Variants in NDUFB9 observed in about 807,000 individuals in gnomAD.
NDUFB9 encodes NADH dehydrogenase [ubiquinone] 1 beta subcomplex subunit 9.
NDUFB9 carries 24 observed loss-of-function variants against 30.2 expected under a neutral mutation model. That is an observed-to-expected ratio of 0.80 (90% CI 0.58 to 1.12). The LOEUF is 1.12. Among genes scored for constraint, NDUFB9 ranks in the 50% most tolerant of loss-of-function variants. NDUFB9 has a pLI of 0.00. For missense variants in NDUFB9, 204 were observed against 226.0 expected (o/e 0.90, Z 0.62); for synonymous variants, 80 against 84.0 (o/e 0.95, Z 0.26).
intron 3 of NDUFB9, among the ~76,000 whole-genome samples, chr8:124,547,905 A>T (rs796145913): frequency 6.6e-6 from 1 of 152,164 alleles, no homozygotes; most frequent in African/African-American, 2.4e-5. Context: ...AATTGCTTGA[A>T]TCCCAGGAGG....
chr8:124,548,198 C>T (rs558053320), intron 3 of NDUFB9, among the ~76,000 whole-genome samples: 54 of 152,132 alleles, frequency 3.5e-4, no homozygotes, highest in Non-Finnish European at 6.8e-4. Context: ...ATCTGGAACT[C>T]CCAGGAGAGA....
chr8:124,547,787 G>C (rs1822199155), intron 3 of NDUFB9, among the ~76,000 whole-genome samples: 1 of 152,104 alleles, frequency 6.6e-6, no homozygotes, highest in African/African-American at 2.4e-5. Flanking sequence ...ATGACGACCA[G>C]CCTGACTAAC....
At chr8:124,539,872 C>CT (rs1167002655) in intron 1 of NDUFB9, among the ~76,000 whole-genome samples, 1 of 152,166 alleles carries the variant, frequency 6.6e-6, no homozygotes, top group African/African-American at 2.4e-5. Context: ...TTAGCTTCAT[C>CT]TAGTCCTTTT....
At chr8:124,540,263 T>G (rs1055735593) in intron 1 of NDUFB9, among the ~76,000 whole-genome samples, 8 of 151,558 alleles carry the variant, frequency 5.3e-5, no homozygotes, top group East Asian at 2.0e-4. Flanking sequence ...TCCTTGAGTT[T>G]TCCTTATTTA....
At chr8:124,541,664 CGCGAT>C (rs1821995130) in intron 1 of NDUFB9, among the ~76,000 whole-genome samples, 2 of 151,468 alleles carry the variant, frequency 1.3e-5, no homozygotes, top group African/African-American at 4.9e-5. Flanking sequence ...AGTGCAGTGG[CGCGAT>C]CTTGGCTCAC....
At chr8:124,548,299 G>T (rs747100257) in intron 3 of NDUFB9, among the ~76,000 whole-genome samples, 67 of 152,120 alleles carry the variant, frequency 4.4e-4, no homozygotes, top group Non-Finnish European at 1.3e-4. Context: ...AGAGAAAAAA[G>T]AAAAGGAAAA....
intron 2 of NDUFB9, 104 bp downstream of exon 2, chr8:124,543,383 G>A (rs954987799): frequency 3.3e-6 from 4 of 1,205,544 alleles, no homozygotes; most frequent in Non-Finnish European, 4.8e-6. Flanking sequence ...GTAGCTAGGA[G>A]ACTTATTTCC....
intron 2 of NDUFB9, chr8:124,546,733 A>C (rs1011762444): frequency 1.9e-6 from 1 of 535,620 alleles, no homozygotes; most frequent in Non-Finnish European, 3.3e-6. Context: ...TATTTAGAGA[A>C]GGCAGGTAGG....
rs1447458613 is a variant in NDUFB9 at position 124,549,925 on chromosome 8, G to A, written c.*33G>A. The A allele has an allele frequency of 1.9e-6, 3 of 1,613,830 alleles. No homozygotes were observed. The highest frequency in any genetic ancestry group is 1.3e-5 in the African/African-American group (1 of 74,932). On this transcript the variant is annotated 3_prime_UTR_variant, in exon 4 of 4. Transcript: ENST00000276689. ...GAGACCTCATCTTTCATGCTTGCAA[G>A]TGAAATATGTTACAGAACATGCACT...
intron 1 of NDUFB9, among the ~76,000 whole-genome samples, chr8:124,542,037 C>T (rs1822016039): frequency 6.7e-6 from 1 of 149,626 alleles, no homozygotes; most frequent in Non-Finnish European, 1.5e-5. Flanking sequence ...TGCCTTGGCC[C>T]CCAGAGTAGC....
At position 124,549,810 on chromosome 8, in the gene NDUFB9, C is replaced by A; in HGVS notation, c.458C>A (p.Ala153Asp). The stretch of plus-strand genomic sequence containing the variant: ...CCACCTGGTGGTCCTTTAACTGAAG[C>A]TTTGCCCCCTGCCCGAAAGGAAGGT... ...ETPPGGPLTE[A>D]LPPARKEGDL... The change falls in exon 4 of 4, where the codon GCT (alanine) becomes GAT (aspartate). Residue 153 changes from alanine to aspartate, a missense_variant. By Grantham distance (126) the Ala-to-Asp change is moderately radical. Coordinates refer to ENST00000276689, the MANE Select transcript of NDUFB9 (RefSeq NM_005005.3). 1 of 1,614,142 alleles carries A rather than the reference C, an allele frequency of 6.2e-7. No homozygotes were observed. Among genetic ancestry groups the A allele is most frequent in the Non-Finnish European group, 8.5e-7 (1 of 1,180,028 alleles).
intron 1 of NDUFB9, among the ~76,000 whole-genome samples, chr8:124,541,308 G>A (rs1176352243): frequency 6.6e-6 from 1 of 152,088 alleles, no homozygotes; most frequent in Non-Finnish European, 1.5e-5. Flanking sequence ...CTCCGCTAAT[G>A]GTATTATTAG....
At chr8:124,542,062 C>T (rs1822017058) in intron 1 of NDUFB9, among the ~76,000 whole-genome samples, 1 of 150,254 alleles carries the variant, frequency 6.7e-6, no homozygotes, top group South Asian at 2.1e-4. Flanking sequence ...ATTACAGGTG[C>T]CTGCCACCAC....
At chr8:124,545,270 C>T (rs1390703179) in intron 2 of NDUFB9, among the ~76,000 whole-genome samples, 1 of 152,188 alleles carries the variant, frequency 6.6e-6, no homozygotes. Flanking sequence ...AGGATTGACT[C>T]CAATTTTGCA....
At position 124,543,109 on chromosome 8, in the gene NDUFB9, T is replaced by C. The variant is rs1342883348; in HGVS notation, c.124T>C (p.Cys42Arg). ...AAGAGACAAATACCGATACTTTGCT[T>C]GTTTGATGAGAGCCCGGTTTGAAGA... ...VQRDKYRYFA[C>R]LMRARFEEHK... Residue 42 changes from cysteine to arginine, a missense_variant, in exon 2 of 4, where the codon TGT (cysteine) becomes CGT (arginine). Transcript: ENST00000276689. 2 of 1,614,186 alleles carry C rather than the reference T, an allele frequency of 1.2e-6. No individual in the cohort carries two copies. Among genetic ancestry groups the C allele is most frequent in the African/African-American group, 2.7e-5 (2 of 75,044 alleles).
intron 1 of NDUFB9, among the ~76,000 whole-genome samples, chr8:124,539,956 A>G (rs1349533313): frequency 6.6e-6 from 1 of 152,214 alleles, no homozygotes; most frequent in East Asian, 1.9e-4. Flanking sequence ...TAGTCTGAGA[A>G]CATAGTGTTA....
intron 1 of NDUFB9, 154 bp downstream of exon 1, chr8:124,539,441 A>G: frequency 1.4e-6 from 1 of 703,812 alleles, no homozygotes; most frequent in Non-Finnish European, 2.5e-6. Flanking sequence ...CCGGGTTCAA[A>G]TCCAGGCTTC....
intron 2 of NDUFB9, among the ~76,000 whole-genome samples, chr8:124,545,740 G>T (rs1822139585): frequency 6.6e-6 from 1 of 152,182 alleles, no homozygotes; most frequent in Non-Finnish European, 1.5e-5. Context: ...ATGTTGTCCA[G>T]GCTGGTCTGG....
chr8:124,539,664 C>G (rs1295736806), intron 1 of NDUFB9, among the ~76,000 whole-genome samples: 1 of 152,188 alleles, frequency 6.6e-6, no homozygotes. Context: ...CAGCAATAAA[C>G]TATGCATTAT....
Sources: allele counts gnomAD v4.1 joint callset (sites outside exome capture counted in the v4.1 genomes callset), GRCh38; gene constraint gnomAD v4.1.1; transcripts MANE v1.5; gene names NCBI Gene and HGNC (gene_info 2026-07-23, HGNC 2026-07-21).